Variants in ZNF233 observed in about 807,000 individuals in gnomAD.
ZNF233 encodes zinc finger protein 233.
Under a neutral mutation model 11.6 loss-of-function variants are expected in ZNF233, and 7 were observed. The ratio of observed to expected loss-of-function variants is 0.60; its 90% CI spans 0.34 to 1.13. The LOEUF is 1.13. Among genes scored for constraint, ZNF233 ranks in the 50% most tolerant of loss-of-function variants. The probability of loss-of-function intolerance (pLI) is 0.03; values close to 1 mark genes in which losing one functional copy is unlikely to be tolerated. For missense variants in ZNF233, 711 were observed against 785.5 expected, an observed-to-expected ratio of 0.91 and a Z score of 1.13; for synonymous variants, 226 against 268.5, an observed-to-expected ratio of 0.84 and a Z score of 1.55.
chr19:44,273,124 A>G lies in ZNF233; in HGVS notation c.464A>G (p.Glu155Gly). ...TGESSQVSED[E>G]NYVIKLQGES... ...GAATCTAGTCAGGTCTCTGAAGATGAGAACTATGTAATAAAGCTACAAGGG... is the reference window on the plus strand; with the variant it reads ...GAATCTAGTCAGGTCTCTGAAGATGGGAACTATGTAATAAAGCTACAAGGG... Residue 155 changes from glutamate to glycine, a missense_variant, in exon 5 of 5, where the codon GAG becomes GGG. Coordinates refer to ENST00000683810, the MANE Select transcript of ZNF233 (RefSeq NM_001207005.2). 1.2e-6 allele frequency: 2 copies of G among 1,614,044 alleles called. No individual in the cohort carries two copies. The highest frequency in any genetic ancestry group is 1.1e-5 in the South Asian group (1 of 91,070).
Position 44,266,302 on chromosome 19 carries a change from C to G in ZNF233, c.120C>G (p.Asn40Lys), listed in dbSNP as rs766041966. ...RKLYQDVMLE[N>K]FRNLLSVGYQ... is the part of the protein sequence containing the mutation. ...TGTACCAAGATGTGATGCTGGAGAA[C>G]TTCAGGAACCTGCTGTCAGTGGGTG... The change falls in exon 3 of 5, where the codon AAC becomes AAG. Residue 40 changes from asparagine (N) to lysine (K), a missense_variant. Transcript: ENST00000683810. 1 of 1,607,858 alleles carries G rather than the reference C, an allele frequency of 6.2e-7. No homozygotes were observed. Among genetic ancestry groups the G allele is most frequent in the East Asian group, 2.2e-5 (1 of 44,640 alleles).
chr19:44,263,655 A>G (rs1298939226), intron 1 of ZNF233, among the ~76,000 whole-genome samples: 1 of 152,222 alleles, frequency 6.6e-6, no homozygotes, highest in Non-Finnish European at 1.5e-5. Context: ...ATTAAATATT[A>G]TAGGACAACA....
chr19:44,267,497 C>T (rs1468834981), intron 4 of ZNF233: 2 of 397,524 alleles, frequency 5.0e-6, no homozygotes, highest in Non-Finnish European at 8.9e-6. Flanking sequence ...GATGGGACTA[C>T]AGGCACTTGC....
At chr19:44,263,057 C>G (rs947504267) in intron 1 of ZNF233, among the ~76,000 whole-genome samples, 1 of 152,154 alleles carries the variant, frequency 6.6e-6, no homozygotes, top group Non-Finnish European at 1.5e-5. Context: ...CCTCAGCTTC[C>G]TCATCCATTA....
intron 4 of ZNF233, chr19:44,267,749 A>T (rs766133128): frequency 1.3e-5 from 3 of 222,370 alleles, no homozygotes; most frequent in Non-Finnish European, 1.7e-5. Flanking sequence ...TACCTCATAC[A>T]TCCTCTTGGC....
At position 44,273,113 on chromosome 19, in the gene ZNF233, C is replaced by G; in HGVS notation, c.453C>G (p.Val151=). The G allele has an allele frequency of 6.2e-7, 1 of 1,613,986 alleles. No homozygotes were observed. The highest frequency in any genetic ancestry group is 8.5e-7 in the Non-Finnish European group (1 of 1,180,004). ...CQVWTGESSQ[V]SEDENYVIKL... ...TGTGGACAGGAGAATCTAGTCAGGT[C>G]TCTGAAGATGAGAACTATGTAATAA... Residue 151 remains valine, a synonymous_variant, in exon 5 of 5, where the codon GTC becomes GTG. Transcript: ENST00000683810.
At chr19:44,265,456 T>C (rs977606788) in intron 2 of ZNF233, among the ~76,000 whole-genome samples, 3 of 151,722 alleles carry the variant, frequency 2.0e-5, no homozygotes, top group African/African-American at 7.3e-5. Context: ...AGTCTTGCAC[T>C]GTTGCCCAGG....
Position 44,273,081 on chromosome 19 carries a change from T to TG in ZNF233, c.422dup (p.Cys141TrpfsTer9). The TG allele has an allele frequency of 1.2e-6, 2 of 1,614,118 alleles. No homozygotes were observed. Among genetic ancestry groups the TG allele is most frequent in the Non-Finnish European group, 1.7e-6 (2 of 1,180,002 alleles). On this transcript the variant is annotated frameshift_variant, in exon 5 of 5. Coordinates refer to ENST00000683810, the MANE Select transcript of ZNF233 (RefSeq NM_001207005.2). LOFTEE classifies it low-confidence loss of function (END_TRUNC). ...GTTGCTAAAACAAGGTGATTCCCCC[T>TG]GTCAGGTGTGGACAGGAGAATCTAG...
At chr19:44,270,642 A>G (rs1292378747) in intron 4 of ZNF233, among the ~76,000 whole-genome samples, 1 of 152,190 alleles carries the variant, frequency 6.6e-6, no homozygotes, top group African/African-American at 2.4e-5. Flanking sequence ...CCGGATCTCA[A>G]AAAGCTGTTA....
chr19:44,263,963 TG>T (rs1974999058), intron 1 of ZNF233, among the ~76,000 whole-genome samples: 1 of 152,210 alleles, frequency 6.6e-6, no homozygotes, highest in African/African-American at 2.4e-5. Context: ...ATTTGAGGAA[TG>T]GGGAGGTTAA....
At chr19:44,261,539 TGAG>T (rs1197611301) in intron 1 of ZNF233, among the ~76,000 whole-genome samples, 1 of 152,078 alleles carries the variant, frequency 6.6e-6, no homozygotes, top group Admixed American at 6.6e-5. Flanking sequence ...GGAAGAACTC[TGAG>T]GAGATGACAT....
In ZNF233 at chr19:44,266,918, G is replaced by A. The variant is rs1418788351; in HGVS notation, c.195G>A (p.Lys65=). 2.5e-6 allele frequency: 4 copies of A among 1,614,072 alleles called. No individual in the cohort carries two copies. In the East Asian group the frequency reaches 8.9e-5, roughly 36 times the overall value. Residue 65 remains lysine, a synonymous_variant, in exon 4 of 5, where the codon AAG becomes AAA. Coordinates refer to ENST00000683810, the MANE Select transcript of ZNF233 (RefSeq NM_001207005.2). ...TATTACAGTTGGGAAAAGAAGACAA[G>A]CTTCGGATGATGGAGACAGAAATCC... is the stretch of plus-strand genomic sequence containing the variant. The part of the protein sequence containing the change: ...DVILQLGKED[K]LRMMETEIQG...
At chr19:44,268,959 A>T (rs1975166911) in intron 4 of ZNF233, among the ~76,000 whole-genome samples, 1 of 152,206 alleles carries the variant, frequency 6.6e-6, no homozygotes, top group South Asian at 2.1e-4. Flanking sequence ...AGCCCAGGAG[A>T]ATCTCTCTGC....
At chr19:44,262,254 C>T (rs1008810138) in intron 1 of ZNF233, among the ~76,000 whole-genome samples, 1 of 152,068 alleles carries the variant, frequency 6.6e-6, no homozygotes, top group South Asian at 2.1e-4. Flanking sequence ...CTAATTATAC[C>T]CCAAATGCCC....
At chr19:44,265,622 A>G (rs930230111) in intron 2 of ZNF233, among the ~76,000 whole-genome samples, 1 of 152,090 alleles carries the variant, frequency 6.6e-6, no homozygotes, top group Non-Finnish European at 1.5e-5. Context: ...GTGTTTCACC[A>G]TGTTGGTCAG....
At chr19:44,267,364 TTTTTC>T in intron 4 of ZNF233, 1 of 398,854 alleles carries the variant, frequency 2.5e-6, no homozygotes, top group Non-Finnish European at 4.4e-6. Flanking sequence ...TTTTTTTTTT[TTTTTC>T]TTTAAGACAG....
intron 4 of ZNF233, among the ~76,000 whole-genome samples, chr19:44,269,658 A>G (rs1261322684): frequency 6.6e-6 from 1 of 152,104 alleles, no homozygotes; most frequent in African/African-American, 2.4e-5. Flanking sequence ...AGAAAACTGT[A>G]CAAATTGTAA....
chr19:44,266,927 G>T lies in ZNF233; in HGVS notation c.204G>T (p.Met68Ile). 6.2e-7 allele frequency: 1 copy of T among 1,614,046 alleles called. No individual in the cohort carries two copies. The highest frequency in any genetic ancestry group is 1.1e-5 in the South Asian group (1 of 91,062). The change falls in exon 4 of 5, where the codon ATG becomes ATT. Residue 68 changes from methionine to isoleucine, a missense_variant. Coordinates refer to ENST00000683810, the MANE Select transcript of ZNF233 (RefSeq NM_001207005.2). Reference sequence around the variant, plus strand: ...TGGGAAAAGAAGACAAGCTTCGGATGATGGAGACAGAAATCCAAGGAGATG... The same window carrying T: ...TGGGAAAAGAAGACAAGCTTCGGATTATGGAGACAGAAATCCAAGGAGATG... ...LQLGKEDKLRMMETEIQGDGC... is the reference protein window; with the variant it reads ...LQLGKEDKLRIMETEIQGDGC...
At chr19:44,259,961 C>T (rs1974886488) in intron 1 of ZNF233, 23 bp downstream of exon 1, 1 of 454,390 alleles carries the variant, frequency 2.2e-6, no homozygotes, top group Admixed American at 2.4e-5. Flanking sequence ...GGAACCTCTG[C>T]ATCTACGGCG....
Sources: gnomAD v4.1 joint callset for allele counts (sites outside exome capture counted in the v4.1 genomes callset) on GRCh38, gnomAD v4.1.1 for gene constraint, MANE v1.5 for transcripts, NCBI Gene and HGNC (gene_info 2026-07-23, HGNC 2026-07-21) for gene names.